Variants in BMPR1B observed in about 807,000 individuals in gnomAD.
BMPR1B encodes the protein bone morphogenetic protein receptor type 1B.
Under a neutral mutation model 59.1 loss-of-function variants are expected in BMPR1B, and 12 were observed. The observed-to-expected ratio is 0.20, with a 90% CI of 0.13 to 0.33. The LOEUF (loss-of-function observed/expected upper bound fraction) is 0.33. BMPR1B is among the 10% of genes least tolerant of loss of function. The pLI is 1.00. For synonymous variants in BMPR1B, 237 were observed against 207.3 expected (o/e 1.14, Z -1.23); for missense variants, 550 against 610.9 (o/e 0.90, Z 1.05).
chr4:94,931,009 G>A (rs907783569), intron 2 of BMPR1B, among the ~76,000 whole-genome samples: 1 of 152,002 alleles, frequency 6.6e-6, no homozygotes, highest in African/African-American at 2.4e-5. Context: ...CTCTTTGGCT[G>A]GCTAAGTGGC....
In BMPR1B at chr4:94,840,605, C is replaced by G. The variant is rs1164216021; in HGVS notation, c.-182-35226C>G. Among the ~76,000 whole-genome samples the G allele has an allele frequency of 2.7e-5, 4 of 145,536 alleles. 1 individual carries two copies. Among genetic ancestry groups the G allele is most frequent in the Non-Finnish European group, 6.1e-5 (4 of 65,504 alleles). ...CACGTAGTTCTCGAGCCTTGGTTTTCAGCTCCATCAGCTCCTTTAAGCACT... is the reference window on the plus strand; with the variant it reads ...CACGTAGTTCTCGAGCCTTGGTTTTGAGCTCCATCAGCTCCTTTAAGCACT... On this transcript the variant is annotated intron_variant, in intron 1 of 12. Coordinates refer to ENST00000515059, the MANE Select transcript of BMPR1B (RefSeq NM_001203.3).
At chr4:94,940,459 C>G (rs778503830) in intron 2 of BMPR1B, among the ~76,000 whole-genome samples, 1 of 152,104 alleles carries the variant, frequency 6.6e-6, no homozygotes. Flanking sequence ...TGACACAGTC[C>G]TTGGGGATTA....
chr4:95,096,818 A>C (rs1730433037), intron 3 of BMPR1B, among the ~76,000 whole-genome samples: 1 of 140,758 alleles, frequency 7.1e-6, no homozygotes, highest in Admixed American at 7.3e-5. Context: ...ATAAATATAA[A>C]TATATTTATA....
intron 1 of BMPR1B, among the ~76,000 whole-genome samples, chr4:94,769,601 A>G (rs1299537587): frequency 8.8e-6 from 1 of 114,014 alleles, no homozygotes; most frequent in Non-Finnish European, 1.9e-5. Context: ...CAAGAGTGAA[A>G]CACCTTCTCA....
intron 3 of BMPR1B, among the ~76,000 whole-genome samples, chr4:95,083,151 G>T (rs1012805241): frequency 6.6e-6 from 1 of 151,610 alleles, no homozygotes; most frequent in Non-Finnish European, 1.5e-5. Context: ...GGGCATGCAG[G>T]TACAACAATG....
At chr4:94,982,939 C>G (rs751964234) in intron 2 of BMPR1B, among the ~76,000 whole-genome samples, 2 of 151,310 alleles carry the variant, frequency 1.3e-5, no homozygotes, top group Admixed American at 6.6e-5. Context: ...GAGAGGAGAT[C>G]GTGCCACTGC....
intron 3 of BMPR1B, among the ~76,000 whole-genome samples, chr4:95,073,331 G>A (rs1728462491): frequency 6.6e-6 from 1 of 152,158 alleles, no homozygotes; most frequent in African/African-American, 2.4e-5. Context: ...ATGAAGAGAA[G>A]TTTGTCTGTG....
chr4:94,915,520 A>G (rs981457997), intron 2 of BMPR1B, among the ~76,000 whole-genome samples: 2 of 152,210 alleles, frequency 1.3e-5, no homozygotes, highest in African/African-American at 2.4e-5. Flanking sequence ...CATAGTTTGA[A>G]CAAAAGTGTT....
intron 2 of BMPR1B, among the ~76,000 whole-genome samples, chr4:94,979,226 C>T (rs1217333829): frequency 6.6e-6 from 1 of 151,946 alleles, no homozygotes; most frequent in African/African-American, 2.4e-5. Flanking sequence ...ACCATCTTTG[C>T]AAAAATAAAA....
chr4:94,967,791 A>G (rs750574066), intron 2 of BMPR1B, among the ~76,000 whole-genome samples: 7 of 152,128 alleles, frequency 4.6e-5, no homozygotes, highest in Non-Finnish European at 8.8e-5. Flanking sequence ...CCTAGAATAG[A>G]TAACTTTGAT....
At chr4:95,105,462 G>A (rs920595528) in intron 4 of BMPR1B, among the ~76,000 whole-genome samples, 1 of 151,940 alleles carries the variant, frequency 6.6e-6, no homozygotes, top group Non-Finnish European at 1.5e-5. Context: ...GGTACGCAAA[G>A]CTGAGTTGAA....
chr4:94,904,926 G>C (rs977136419), intron 2 of BMPR1B, among the ~76,000 whole-genome samples: 1 of 151,970 alleles, frequency 6.6e-6, no homozygotes. Flanking sequence ...AGTATTTTAT[G>C]AAATGGTCTG....
intron 10 of BMPR1B, among the ~76,000 whole-genome samples, chr4:95,143,335 T>G (rs943337332): frequency 6.6e-6 from 1 of 152,256 alleles, no homozygotes; most frequent in African/African-American, 2.4e-5. Context: ...GGCTAAAATA[T>G]GTCTCCTGGC....
At chr4:94,870,126 C>G (rs929978544) in intron 1 of BMPR1B, among the ~76,000 whole-genome samples, 1 of 152,142 alleles carries the variant, frequency 6.6e-6, no homozygotes, top group Non-Finnish European at 1.5e-5. Context: ...TCTGATCAGT[C>G]TTAACTAAAT....
chr4:95,000,441 G>T (rs979525719), intron 3 of BMPR1B, among the ~76,000 whole-genome samples: 1 of 151,978 alleles, frequency 6.6e-6, no homozygotes, highest in Non-Finnish European at 1.5e-5. Flanking sequence ...AGGAGGCGGA[G>T]TTTGCAGTGA....
chr4:94,866,716 C>G (rs1726261869), intron 1 of BMPR1B, among the ~76,000 whole-genome samples: 2 of 152,062 alleles, frequency 1.3e-5, no homozygotes, highest in South Asian at 4.2e-4. Flanking sequence ...TCCCAAGTAG[C>G]TGGATTACAG....
At chr4:94,918,682 T>TAA (rs35354766) in intron 2 of BMPR1B, among the ~76,000 whole-genome samples, 25 of 147,508 alleles carry the variant, frequency 1.7e-4, no homozygotes, top group African/African-American at 5.4e-4. Context: ...AGACACTGTT[T>TAA]AAAAAAAAAA....
intron 1 of BMPR1B, among the ~76,000 whole-genome samples, chr4:94,862,772 C>T (rs775669133): frequency 6.6e-6 from 1 of 151,650 alleles, no homozygotes; most frequent in Non-Finnish European, 1.5e-5. Flanking sequence ...GGTGAAACCC[C>T]GTCTCTACTA....
chr4:94,785,134 T>C (rs12501965), intron 1 of BMPR1B, among the ~76,000 whole-genome samples: 37,246 of 152,164 alleles, frequency 0.24, 4,858 homozygotes, highest in South Asian at 0.3. Context: ...TACCGCGATT[T>C]CTTGCAAGGC....
Sources: allele counts gnomAD v4.1 joint callset (sites outside exome capture counted in the v4.1 genomes callset), GRCh38; gene constraint gnomAD v4.1.1; transcripts MANE v1.5; gene names NCBI Gene and HGNC (gene_info 2026-07-23, HGNC 2026-07-21).